ZNF197: variants seen among roughly 807,000 people sequenced by gnomAD.
ZNF197 encodes the protein zinc finger protein 197, also known as VHL-associated KRAB-A domain-containing protein.
A neutral mutation model predicts 27.4 loss-of-function variants in ZNF197; 14 were observed. That is an observed-to-expected ratio of 0.51 (90% confidence interval 0.34 to 0.80). The LOEUF (loss-of-function observed/expected upper bound fraction) is 0.80. ZNF197 is among the 30% of genes least tolerant of loss of function. The pLI is 0.02. For missense variants in ZNF197, 1,090 were observed against 1,222.6 expected (o/e 0.89, Z 1.62); for synonymous variants, 415 against 420.0 (o/e 0.99, Z 0.15).
In ZNF197 at chr3:44,644,047, C is replaced by T; in HGVS notation, c.2917C>T (p.Leu973Phe). 6.2e-7 allele frequency: 1 copy of T among 1,613,948 alleles called. No individual in the cohort carries two copies. ...TAAAGTTTTTAGGCAAAGAAAAAAC[C>T]TTACTGTACATCAGAAAATCCACAC... is the stretch of plus-strand genomic sequence containing the variant. ...CSKVFRQRKN[L>F]TVHQKIHTDE... The change falls in exon 6 of 6, where the codon CTT becomes TTT. Residue 973 changes from leucine to phenylalanine, a missense_variant. Transcript: ENST00000344387.
chr3:44,645,018 A>G lies in ZNF197; in HGVS notation c.*798A>G. 2.0e-6 allele frequency: 2 copies of G among 985,458 alleles called. No individual in the cohort carries two copies. The highest frequency in any genetic ancestry group is 2.4e-6 in the Non-Finnish European group (2 of 829,932). 61.0% of individuals were successfully genotyped at this position (985,458 alleles called of 1,614,324 possible). ...ATGTCAGGTGTGGAGTTGGGCGGAC[A>G]AGAGTCTGCTGATGAGGACAACCTA... On this transcript the variant is annotated 3_prime_UTR_variant, in exon 6 of 6. Coordinates refer to ENST00000344387, the MANE Select transcript of ZNF197 (RefSeq NM_006991.5).
rs1383339646 is a variant in ZNF197 at position 44,640,715 on chromosome 3, C to G, written c.770-1185C>G. On this transcript the variant is annotated intron_variant, in intron 5 of 5. Transcript: ENST00000344387. The surrounding 1 kb of genome is among the most constrained non-coding windows in gnomAD (Gnocchi z 4.0). ...TGAAACCTCACTGTGAATAAGGAAACTGAAGTACCAGCATTAGATAGGCTT... is the reference window on the plus strand; with the variant it reads ...TGAAACCTCACTGTGAATAAGGAAAGTGAAGTACCAGCATTAGATAGGCTT... Among the ~76,000 whole-genome samples, 1 of 152,152 alleles carries G rather than the reference C, an allele frequency of 6.6e-6. No individual in the cohort carries two copies. The highest frequency in any genetic ancestry group is 1.5e-5 in the Non-Finnish European group (1 of 68,020).
Position 44,647,219 on chromosome 3 carries a change from T to TC in ZNF197, c.*3000dup, listed in dbSNP as rs1302886965. ...AGCAAATAAGCAAATGAAAAGATGT[T>TC]CAACATCATTAGGCATGAGGGAAAT... is the stretch of plus-strand genomic sequence containing the variant. On this transcript the variant is annotated 3_prime_UTR_variant, in exon 6 of 6. Coordinates refer to ENST00000344387, the MANE Select transcript of ZNF197 (RefSeq NM_006991.5). 6.6e-6 allele frequency: 1 copy of TC among 151,486 alleles called. No individual in the cohort carries two copies. The highest frequency in any genetic ancestry group is 2.1e-4 in the South Asian group (1 of 4,812). The allele number at this position is 151,486 out of a possible 1,614,324, so 9.4% of individuals were successfully genotyped here.
chr3:44,629,281 C>T lies in ZNF197; in HGVS notation c.127C>T (p.Leu43=), dbSNP rs765411722. 5 of 1,614,190 alleles carry T rather than the reference C, an allele frequency of 3.1e-6. No individual in the cohort carries two copies. In the Admixed American group the frequency reaches 8.3e-5, roughly 27 times the overall value. The change falls in exon 2 of 6, where the codon CTA becomes TTA. Residue 43 remains leucine (L), a synonymous_variant. Coordinates refer to ENST00000344387, the MANE Select transcript of ZNF197 (RefSeq NM_006991.5). ...SSSSVWETSH[L]HFRQLRYHET... is the part of the protein sequence containing the mutation. ...CTCCTCTGTTTGGGAGACCTCCCAC[C>T]TACACTTTAGACAATTACGTTACCA...
intron 5 of ZNF197, among the ~76,000 whole-genome samples, chr3:44,636,992 A>G (rs1194876840): frequency 1.3e-5 from 2 of 152,210 alleles, no homozygotes; most frequent in Non-Finnish European, 2.9e-5. Context: ...CTTATTGACT[A>G]TATGTACGTC....
rs569429431 is a variant in ZNF197 at position 44,644,883 on chromosome 3, CTA to C, written c.*664_*665del. On this transcript the variant is annotated 3_prime_UTR_variant, in exon 6 of 6. Transcript: ENST00000344387. ...AATAAAAATAAATTTATTAATAAAA[CTA>C]AAAATTTAATAATAAAAAGTGGACA... The C allele has an allele frequency of 2.6e-4, 251 of 966,818 alleles. 1 individual carries two copies. The African/African-American group carries it at 3.6e-3, about 14-fold the overall frequency. 59.9% of individuals were successfully genotyped at this position (966,818 alleles called of 1,614,324 possible).
chr3:44,626,558 C>G (rs562785628), intron 1 of ZNF197, among the ~76,000 whole-genome samples: 41 of 152,304 alleles, frequency 2.7e-4, no homozygotes, highest in African/African-American at 9.6e-4. Context: ...AGACCCAACA[C>G]CTCAATGGAA....
intron 1 of ZNF197, among the ~76,000 whole-genome samples, chr3:44,627,056 G>A (rs1014806464): frequency 2.6e-5 from 4 of 152,040 alleles, no homozygotes; most frequent in African/African-American, 7.2e-5. Context: ...AATGTACCAC[G>A]TCATTCATGG....
At chr3:44,632,832 G>GTGTGTC (rs1422485571) in intron 5 of ZNF197, among the ~76,000 whole-genome samples, 6 of 152,106 alleles carry the variant, frequency 3.9e-5, no homozygotes, top group Non-Finnish European at 5.9e-5. Flanking sequence ...GTGTGTGTGT[G>GTGTGTC]TGTGTCTGTG....
chr3:44,643,620 C>T lies in ZNF197; in HGVS notation c.2490C>T (p.Arg830=), dbSNP rs892487701. ...CNDCGKVFSY[R]SNLIAHQRIH... Reference sequence around the variant, plus strand: ...ACTGTGGGAAGGTCTTCAGTTACCGCTCAAACCTTATAGCCCATCAGAGGA... The same window carrying T: ...ACTGTGGGAAGGTCTTCAGTTACCGTTCAAACCTTATAGCCCATCAGAGGA... Residue 830 remains arginine, a synonymous_variant, in exon 6 of 6, where the codon CGC becomes CGT. Coordinates refer to ENST00000344387, the MANE Select transcript of ZNF197 (RefSeq NM_006991.5). 2 of 1,614,156 alleles carry T rather than the reference C, an allele frequency of 1.2e-6. No homozygotes were observed. Among genetic ancestry groups the T allele is most frequent in the Non-Finnish European group, 8.5e-7 (1 of 1,180,030 alleles).
chr3:44,646,311 A>G lies in ZNF197; in HGVS notation c.*2091A>G. On this transcript the variant is annotated 3_prime_UTR_variant, in exon 6 of 6. Coordinates refer to ENST00000344387, the MANE Select transcript of ZNF197 (RefSeq NM_006991.5). ...TTGAATCATCCCAGCTTATATAATA[A>G]TTACAAAGGACATATGTACTTTAAC... 1.0e-6 allele frequency: 1 copy of G among 985,450 alleles called. No homozygotes were observed. Among genetic ancestry groups the G allele is most frequent in the Non-Finnish European group, 1.2e-6 (1 of 829,934 alleles). The allele number at this position is 985,450 out of a possible 1,614,324, so 61.0% of individuals were successfully genotyped here.
chr3:44,641,755 T>G, intron 5 of ZNF197, 145 bp from the exon 6 acceptor site: 2 of 943,090 alleles, frequency 2.1e-6, no homozygotes, highest in South Asian at 2.0e-5. Flanking sequence ...GCATTATTCT[T>G]TGTACCTTCC....
At position 44,643,633 on chromosome 3, in the gene ZNF197, G is replaced by A. The variant is rs553798986; in HGVS notation, c.2503G>A (p.Ala835Thr). 1 of 1,614,168 alleles carries A rather than the reference G, an allele frequency of 6.2e-7. No homozygotes were observed. The highest frequency in any genetic ancestry group is 1.3e-5 in the African/African-American group (1 of 75,050). The change falls in exon 6 of 6, where the codon GCC becomes ACC. Residue 835 changes from alanine to threonine, a missense_variant. By Grantham distance (58) the Ala-to-Thr change is moderately conservative. Coordinates refer to ENST00000344387, the MANE Select transcript of ZNF197 (RefSeq NM_006991.5). ...CTTCAGTTACCGCTCAAACCTTATA[G>A]CCCATCAGAGGATCCATACTGGTGA... ...KVFSYRSNLI[A>T]HQRIHTGEKP...
intron 5 of ZNF197, among the ~76,000 whole-genome samples, chr3:44,637,625 A>T (rs969454383): frequency 6.6e-6 from 1 of 151,660 alleles, no homozygotes; most frequent in African/African-American, 2.4e-5. Context: ...ATCCATTTTG[A>T]GTTAATTTTT....
chr3:44,632,421 C>T (rs1033469203), intron 4 of ZNF197, 52 bp from the exon 5 acceptor site: 11 of 1,545,326 alleles, frequency 7.1e-6, no homozygotes, highest in South Asian at 5.1e-5. Context: ...GGGAACCTTT[C>T]GACAGGCAAG....
At chr3:44,637,622 T>G (rs1482596010) in intron 5 of ZNF197, among the ~76,000 whole-genome samples, 1 of 152,224 alleles carries the variant, frequency 6.6e-6, no homozygotes, top group Non-Finnish European at 1.5e-5. Context: ...TTTATCCATT[T>G]TGAGTTAATT....
Position 44,642,599 on chromosome 3 carries a change from T to C in ZNF197, c.1469T>C (p.Val490Ala), listed in dbSNP as rs868506952. ...RPYKCNECGK[V>A]FSQNAYLIDH... ...TATAAGTGTAATGAATGTGGGAAAG[T>C]CTTCTCTCAGAATGCTTACCTCATT... Residue 490 changes from valine (V) to alanine (A), a missense_variant, in exon 6 of 6, where the codon GTC becomes GCC. Physicochemically the swap from Val to Ala is moderately conservative, Grantham distance 64. Transcript: ENST00000344387. 1.2e-6 allele frequency: 2 copies of C among 1,613,836 alleles called. No individual in the cohort carries two copies. The highest frequency in any genetic ancestry group is 1.6e-4 in the Middle Eastern group (1 of 6,062).
chr3:44,646,359 C>A lies in ZNF197; in HGVS notation c.*2139C>A. The A allele has an allele frequency of 1.3e-6, 2 of 1,524,346 alleles. No homozygotes were observed. The highest frequency in any genetic ancestry group is 1.3e-5 in the South Asian group (1 of 75,596). The allele number at this position is 1,524,346 out of a possible 1,614,324, so 94.4% of individuals were successfully genotyped here. ...AACAATGGAGAATGCTGTGATTTAC[C>A]TCTTCACCGAGTAACAAAATGTCAC... On this transcript the variant is annotated 3_prime_UTR_variant, in exon 6 of 6. Coordinates refer to ENST00000344387, the MANE Select transcript of ZNF197 (RefSeq NM_006991.5).
chr3:44,641,606 G>A (rs1702605254), intron 5 of ZNF197, among the ~76,000 whole-genome samples: 1 of 152,164 alleles, frequency 6.6e-6, no homozygotes, highest in South Asian at 2.1e-4. Flanking sequence ...ATAAGATCCT[G>A]TGTTTTCTCT....
Sources: gnomAD v4.1 joint callset for allele counts (sites outside exome capture counted in the v4.1 genomes callset) on GRCh38, gnomAD v4.1.1 for gene constraint, Gnocchi (gnomAD v3.1) non-coding constraint, MANE v1.5 for transcripts, NCBI Gene and HGNC (gene_info 2026-07-23, HGNC 2026-07-21) for gene names.